Variants in CHD9 observed in about 807,000 individuals in gnomAD.
CHD9 encodes chromodomain helicase DNA binding protein 9, also known as ATP-dependent chromatin remodeler CHD9.
Under a neutral mutation model 316.1 loss-of-function variants are expected in CHD9, and 77 were observed. The ratio of observed to expected loss-of-function variants is 0.24; its 90% CI spans 0.20 to 0.29. The LOEUF is 0.29. Ranked by LOEUF, CHD9 falls within the 10% of genes least tolerant of loss-of-function variation. CHD9 has a pLI of 1.00. For synonymous variants in CHD9, 1,129 were observed against 1,158.3 expected, an observed-to-expected ratio of 0.97 and a Z score of 0.51; for missense variants, 2,763 against 3,438.1, an observed-to-expected ratio of 0.80 and a Z score of 4.91.
intron 30 of CHD9, among the ~76,000 whole-genome samples, chr16:53,303,368 T>C (rs1487035856): frequency 6.6e-6 from 1 of 152,140 alleles, no homozygotes; most frequent in Admixed American, 6.5e-5. Flanking sequence ...AGACAAATGT[T>C]ATTAAATGCA....
At chr16:53,270,622 G>C (rs2052160513) in intron 22 of CHD9, among the ~76,000 whole-genome samples, 1 of 152,098 alleles carries the variant, frequency 6.6e-6, no homozygotes, top group Non-Finnish European at 1.5e-5. Flanking sequence ...TAATGGGACT[G>C]TTGTATATAC....
At position 53,192,885 on chromosome 16, in the gene CHD9, T is replaced by G. The variant is rs2044588876; in HGVS notation, c.1453-16597T>G. 2.0e-5 allele frequency among the ~76,000 whole-genome samples: 3 copies of G among 152,198 alleles called. No individual in the cohort carries two copies. The South Asian group carries it at 6.2e-4, about 31-fold the overall frequency. The stretch of plus-strand genomic sequence containing the variant: ...TTATGTATTCACAAGTTAAAGGGTA[T>G]TTGGGTTGTTTTCAGGTTTTTGTAA... On this transcript the variant is annotated intron_variant, in intron 2 of 38. Coordinates refer to ENST00000447540, the MANE Select transcript of CHD9 (RefSeq NM_001308319.2).
intron 8 of CHD9, among the ~76,000 whole-genome samples, chr16:53,229,675 C>T (rs2048002974): frequency 6.6e-6 from 1 of 152,152 alleles, no homozygotes; most frequent in Non-Finnish European, 1.5e-5. Flanking sequence ...TGAATTCTCA[C>T]ATTTATTTTA....
chr16:53,179,400 CTA>C (rs1320075079), intron 2 of CHD9, among the ~76,000 whole-genome samples: 2 of 152,032 alleles, frequency 1.3e-5, no homozygotes, highest in Non-Finnish European at 2.9e-5. Flanking sequence ...ATTAAAAACA[CTA>C]TTTAAAATTG....
intron 11 of CHD9, among the ~76,000 whole-genome samples, chr16:53,237,385 T>C (rs1324676071): frequency 2.0e-5 from 3 of 152,140 alleles, no homozygotes; most frequent in African/African-American, 7.2e-5. Context: ...ATATCCACAA[T>C]AGCACCAGAG....
At position 53,308,804 on chromosome 16, in the gene CHD9, G is replaced by T. The variant is rs1343756213; in HGVS notation, c.7172G>T (p.Ser2391Ile). Residue 2391 changes from serine to isoleucine, a missense_variant, in exon 34 of 39, where the codon AGT becomes ATT. Transcript: ENST00000447540. ...CTCACTCGGCTTCGAGAGCTTCAAA[G>T]TGCATCAGAGACCAGCCTCGTCAAT... ...QYLTRLRELQSASETSLVNFP... is the reference protein window; with the variant it reads ...QYLTRLRELQIASETSLVNFP... 3 of 1,613,670 alleles carry T rather than the reference G, an allele frequency of 1.9e-6. No individual in the cohort carries two copies. Among genetic ancestry groups the T allele is most frequent in the African/African-American group, 1.3e-5 (1 of 74,920 alleles).
At chr16:53,178,964 A>G (rs1450559460) in intron 2 of CHD9, among the ~76,000 whole-genome samples, 1 of 152,084 alleles carries the variant, frequency 6.6e-6, no homozygotes, top group East Asian at 1.9e-4. Context: ...GTGTGCTATG[A>G]TCCTGCTTAT....
intron 24 of CHD9, among the ~76,000 whole-genome samples, chr16:53,282,942 A>G (rs12598049): frequency 0.28 from 42,534 of 151,738 alleles, 6,045 homozygotes; most frequent in Middle Eastern, 0.32. Context: ...GGGTGTTCTC[A>G]TCTTTGTGGC....
At chr16:53,205,591 A>G (rs973204240) in intron 2 of CHD9, among the ~76,000 whole-genome samples, 3 of 152,246 alleles carry the variant, frequency 2.0e-5, no homozygotes, top group African/African-American at 4.8e-5. Flanking sequence ...CTGTGGGAAT[A>G]TGGTTTTAAA....
chr16:53,251,236 A>G (rs952507012), intron 17 of CHD9, among the ~76,000 whole-genome samples: 5 of 152,222 alleles, frequency 3.3e-5, no homozygotes, highest in African/African-American at 9.6e-5. Flanking sequence ...CACAGGCTGT[A>G]GTTTCCCAAT....
intron 3 of CHD9, among the ~76,000 whole-genome samples, chr16:53,220,178 C>T (rs2047120270): frequency 6.6e-6 from 1 of 152,160 alleles, no homozygotes; most frequent in African/African-American, 2.4e-5. Flanking sequence ...TTCAGAATAT[C>T]TTTGTGTTTC....
At chr16:53,314,675 C>A in intron 35 of CHD9, 148 bp from the exon 36 acceptor site, 1 of 964,952 alleles carries the variant, frequency 1.0e-6, no homozygotes. Flanking sequence ...TAGCACTGTC[C>A]AAGAGTGATA....
intron 1 of CHD9, among the ~76,000 whole-genome samples, chr16:53,065,458 AC>A (rs1567303224): frequency 6.6e-6 from 1 of 151,680 alleles, no homozygotes; most frequent in East Asian, 1.9e-4. Flanking sequence ...ATATAGTGAC[AC>A]CCCATCTCTA....
chr16:53,321,279 T>G (rs1598019443), intron 37 of CHD9: 1 of 1,346,274 alleles, frequency 7.4e-7, no homozygotes, highest in East Asian at 3.6e-5. Context: ...AGCATGGTAG[T>G]TATTCATTTT....
chr16:53,238,066 C>A (rs1197066238), intron 11 of CHD9, among the ~76,000 whole-genome samples: 1 of 152,052 alleles, frequency 6.6e-6, no homozygotes, highest in Admixed American at 6.6e-5. Flanking sequence ...GATTCCTGAA[C>A]AAATAATATA....
intron 1 of CHD9, among the ~76,000 whole-genome samples, chr16:53,080,502 C>G (rs1386643581): frequency 6.6e-6 from 1 of 152,182 alleles, no homozygotes; most frequent in Non-Finnish European, 1.5e-5. Flanking sequence ...CCCCACCCAC[C>G]CCTGCTGCCC....
At chr16:53,091,006 C>T (rs532000432) in intron 1 of CHD9, among the ~76,000 whole-genome samples, 1 of 151,878 alleles carries the variant, frequency 6.6e-6, no homozygotes, top group African/African-American at 2.4e-5. Context: ...AGCTCACCCC[C>T]CCCCGACTGA....
intron 2 of CHD9, chr16:53,208,108 T>G: frequency 9.7e-6 from 10 of 1,028,230 alleles, no homozygotes; most frequent in Non-Finnish European, 1.2e-5. Flanking sequence ...TTACAGCCTT[T>G]TTCATACCTA....
chr16:53,274,069 TA>T, intron 23 of CHD9, 143 bp from the exon 24 acceptor site: 2 of 655,174 alleles, frequency 3.1e-6, no homozygotes, highest in East Asian at 5.5e-5. Flanking sequence ...ATATATATGG[TA>T]GTAATAAGAT....
Sources: allele counts gnomAD v4.1 joint callset (sites outside exome capture counted in the v4.1 genomes callset), GRCh38; gene constraint gnomAD v4.1.1; transcripts MANE v1.5; gene names NCBI Gene and HGNC (gene_info 2026-07-23, HGNC 2026-07-21).